ZFHX4: variants seen among roughly 807,000 people sequenced by gnomAD.
ZFHX4 encodes zinc finger homeobox 4.
Under a neutral mutation model 267.6 loss-of-function variants are expected in ZFHX4, and 56 were observed. The ratio of observed to expected loss-of-function variants is 0.21; its 90% CI spans 0.17 to 0.26. ZFHX4 has a LOEUF of 0.26. ZFHX4 is among the 10% of genes least tolerant of loss of function. The pLI is 1.00. For synonymous variants in ZFHX4, 1,778 were observed against 1,665.6 expected (o/e 1.07, Z -1.64); for missense variants, 4,332 against 4,420.0 (o/e 0.98, Z 0.56).
chr8:76,703,285 G>A (rs1865295), intron 1 of ZFHX4, among the ~76,000 whole-genome samples: 3,877 of 152,198 alleles, frequency 0.025, 69 homozygotes, highest in Non-Finnish European at 0.042. Context: ...TGTTCATTAC[G>A]CATTGCAGTG....
intron 4 of ZFHX4, among the ~76,000 whole-genome samples, chr8:76,813,666 T>C (rs753165591): frequency 6.6e-6 from 1 of 152,188 alleles, no homozygotes; most frequent in Non-Finnish European, 1.5e-5. Flanking sequence ...CTCAAGATTA[T>C]GCCCAAAACT....
intron 4 of ZFHX4, among the ~76,000 whole-genome samples, chr8:76,820,276 A>G (rs1305315459): frequency 6.6e-6 from 1 of 152,118 alleles, no homozygotes; most frequent in Non-Finnish European, 1.5e-5. Flanking sequence ...TTTTCAGATT[A>G]CCGTATATTT....
chr8:76,855,858 T>C lies in ZFHX4; in HGVS notation c.8937T>C (p.Asn2979=). 6.2e-7 allele frequency: 1 copy of C among 1,613,816 alleles called. No homozygotes were observed. The highest frequency in any genetic ancestry group is 8.5e-7 in the Non-Finnish European group (1 of 1,179,856). Residue 2979 remains asparagine, a synonymous_variant, in exon 10 of 11, where the codon AAT becomes AAC. Transcript: ENST00000651372. ...GCGTAGTCCAGGTGTGGTTCCAAAA[T>C]GCAAGGGCAAAGGAAAAGAAATTTA... ...PKRVVQVWFQ[N]ARAKEKKFKI...
At chr8:76,805,686 C>G (rs773567950) in intron 4 of ZFHX4, among the ~76,000 whole-genome samples, 4 of 151,540 alleles carry the variant, frequency 2.6e-5, no homozygotes, top group African/African-American at 9.7e-5. Flanking sequence ...TTGCACACAT[C>G]ATGTCTCAGC....
intron 3 of ZFHX4, among the ~76,000 whole-genome samples, chr8:76,735,705 T>G (rs1009845995): frequency 1.3e-5 from 2 of 152,156 alleles, no homozygotes; most frequent in African/African-American, 2.4e-5. Flanking sequence ...TCTCAAAGTG[T>G]TAGCTGCCCA....
Position 76,681,391 on chromosome 8 carries a change from G to T in ZFHX4, c.-276G>T, listed in dbSNP as rs368102806. ...CTTCACAACCAAACAGCGAGACCGC[G>T]GTCGGCACATGCTTTAACTCCTCCC... is the stretch of plus-strand genomic sequence containing the variant. On this transcript the variant is annotated 5_prime_UTR_variant, in exon 1 of 11. Coordinates refer to ENST00000651372, the MANE Select transcript of ZFHX4 (RefSeq NM_024721.5). The T allele has an allele frequency of 1.0e-5, 4 of 398,592 alleles. No individual in the cohort carries two copies. 24.7% of individuals were successfully genotyped at this position (398,592 alleles called of 1,614,324 possible).
intron 4 of ZFHX4, among the ~76,000 whole-genome samples, chr8:76,820,750 T>C (rs573533874): frequency 1.3e-5 from 2 of 152,308 alleles, no homozygotes; most frequent in African/African-American, 2.4e-5. Context: ...TTCATCTTTG[T>C]TGATAAGTTT....
intron 3 of ZFHX4, among the ~76,000 whole-genome samples, chr8:76,744,419 AT>A (rs201787537): frequency 6.6e-6 from 1 of 151,780 alleles, no homozygotes; most frequent in Non-Finnish European, 1.5e-5. Context: ...CTTTTTTCTT[AT>A]TTTTTTATTT....
At position 76,744,676 on chromosome 8, in the gene ZFHX4, G is replaced by C. The variant is rs1196491543; in HGVS notation, c.3094-33532G>C. Among the ~76,000 whole-genome samples, 6 of 152,124 alleles carry C rather than the reference G, an allele frequency of 3.9e-5. No individual in the cohort carries two copies. The East Asian group carries it at 9.7e-4, about 25-fold the overall frequency. On this transcript the variant is annotated intron_variant, in intron 3 of 10. Transcript: ENST00000651372. ...AATCCGTCCATCTCGACCTCCCAAA[G>C]AGGTGGGATTACAGGGGTGAGCCAT...
chr8:76,790,132 G>A (rs973508742), intron 4 of ZFHX4, among the ~76,000 whole-genome samples: 1 of 152,132 alleles, frequency 6.6e-6, no homozygotes, highest in Non-Finnish European at 1.5e-5. Context: ...AATTGTTTAT[G>A]TATAATTAAG....
intron 4 of ZFHX4, among the ~76,000 whole-genome samples, chr8:76,807,264 G>T (rs1295336137): frequency 6.6e-6 from 1 of 151,822 alleles, no homozygotes; most frequent in Non-Finnish European, 1.5e-5. Flanking sequence ...GTGGTATAGT[G>T]GTATAGCAGA....
At position 76,863,598 on chromosome 8, in the gene ZFHX4, G is replaced by A; in HGVS notation, c.9884G>A (p.Ser3295Asn). ...GYFPPVCGME[S>N]LFPYGPTMPQ... ...TTCCCACCTGTCTGTGGCATGGAGA[G>A]CCTCTTTCCTTATGGCCCTACAATG... is the stretch of plus-strand genomic sequence containing the variant. Residue 3295 changes from serine to asparagine, a missense_variant, in exon 11 of 11, where the codon AGC becomes AAC. By Grantham distance (46) the Ser-to-Asn change is conservative (BLOSUM62 1). Around this residue, in one of 7 missense-constraint regions of ZFHX4, gnomAD observed 1,648 missense variants for 1,625.0 expected, o/e 1.01. Transcript: ENST00000651372. 1 of 1,613,724 alleles carries A rather than the reference G, an allele frequency of 6.2e-7. No homozygotes were observed. The highest frequency in any genetic ancestry group is 8.5e-7 in the Non-Finnish European group (1 of 1,179,812).
chr8:76,853,803 T>C lies in ZFHX4; in HGVS notation c.6882T>C (p.Asn2294=). ...AGAATCAAGCAGAAACAAAAGATAA[T>C]GAAAAAAGAGAACTCACTAATGAAC... The part of the protein sequence containing the change: ...SYENQAETKD[N]EKRELTNERY... Residue 2294 remains asparagine (N), a synonymous_variant, in exon 10 of 11, where the codon AAT becomes AAC. Coordinates refer to ENST00000651372, the MANE Select transcript of ZFHX4 (RefSeq NM_024721.5). The C allele has an allele frequency of 6.2e-7, 1 of 1,613,380 alleles. No homozygotes were observed. The highest frequency in any genetic ancestry group is 8.5e-7 in the Non-Finnish European group (1 of 1,179,720).
chr8:76,707,418 A>G (rs1039962921), intron 2 of ZFHX4, 128 bp from the exon 3 acceptor site: 4 of 847,884 alleles, frequency 4.7e-6, no homozygotes, highest in Non-Finnish European at 7.0e-6. Flanking sequence ...ATTGAATCCT[A>G]TTACAGCTTT....
At chr8:76,762,429 T>G (rs1404300508) in intron 3 of ZFHX4, among the ~76,000 whole-genome samples, 1 of 152,202 alleles carries the variant, frequency 6.6e-6, no homozygotes, top group East Asian at 1.9e-4. Context: ...TGAGATAGTA[T>G]GTGAACAATA....
chr8:76,767,975 G>A (rs1810094910), intron 3 of ZFHX4, among the ~76,000 whole-genome samples: 1 of 152,142 alleles, frequency 6.6e-6, no homozygotes, highest in African/African-American at 2.4e-5. Flanking sequence ...ATTCAGATAA[G>A]GTATTTTTTG....
chr8:76,808,914 C>CTG (rs1225474005), intron 4 of ZFHX4, among the ~76,000 whole-genome samples: 8 of 143,640 alleles, frequency 5.6e-5, no homozygotes, highest in African/African-American at 2.3e-4. Context: ...CTCTCTGTCT[C>CTG]TCTCTCTCTC....
intron 3 of ZFHX4, among the ~76,000 whole-genome samples, chr8:76,730,059 TA>T (rs1337917444): frequency 6.6e-6 from 1 of 152,202 alleles, no homozygotes; most frequent in East Asian, 1.9e-4. Flanking sequence ...TTCTATTTGT[TA>T]ATATAAAGTA....
intron 6 of ZFHX4, among the ~76,000 whole-genome samples, chr8:76,847,523 T>A (rs1355894931): frequency 6.6e-6 from 1 of 152,104 alleles, no homozygotes; most frequent in Non-Finnish European, 1.5e-5. Context: ...ATCAGTAGTA[T>A]CAGTATAATC....
Sources: allele counts gnomAD v4.1 joint callset (sites outside exome capture counted in the v4.1 genomes callset), GRCh38; gene constraint gnomAD v4.1.1; regional missense constraint gnomAD v4.1.1; transcripts MANE v1.5; gene names NCBI Gene and HGNC (gene_info 2026-07-23, HGNC 2026-07-21).